The following DPP10 variants were observed in gnomAD, a reference collection of about 807,000 sequenced individuals.
The protein encoded by DPP10 is inactive dipeptidyl peptidase 10.
DPP10 carries 33 observed loss-of-function variants against 120.9 expected under a neutral mutation model. The observed-to-expected ratio is 0.27, with a 90% CI of 0.21 to 0.37. DPP10 has a LOEUF of 0.37. Among genes scored for constraint, DPP10 ranks in the 10% least tolerant of loss-of-function variants. The pLI, the probability that DPP10 is intolerant of heterozygous loss-of-function variation, is 1.00. For missense variants in DPP10, 816 were observed against 942.8 expected, an observed-to-expected ratio of 0.87 and a Z score of 1.76; for synonymous variants, 337 against 326.1, an observed-to-expected ratio of 1.03 and a Z score of -0.36.
At chr2:114,578,983 G>A (rs764272800) in intron 1 of DPP10, among the ~76,000 whole-genome samples, 10 of 151,988 alleles carry the variant, frequency 6.6e-5, no homozygotes, top group South Asian at 2.1e-4. Flanking sequence ...TTGACCTTTC[G>A]TCATACTCTC....
intron 1 of DPP10, among the ~76,000 whole-genome samples, chr2:114,834,640 A>G (rs36044223): frequency 0.014 from 1,547 of 111,356 alleles, 222 homozygotes; most frequent in African/African-American, 0.017. Context: ...TATAAGCCAT[A>G]TCTACACACC....
chr2:115,458,154 T>G (rs1426615043), intron 3 of DPP10, among the ~76,000 whole-genome samples: 1 of 152,164 alleles, frequency 6.6e-6, no homozygotes, highest in Non-Finnish European at 1.5e-5. Flanking sequence ...ACCTATACAA[T>G]GGCTAAATTT....
At chr2:115,644,837 G>A (rs2087102612) in intron 5 of DPP10, among the ~76,000 whole-genome samples, 1 of 152,076 alleles carries the variant, frequency 6.6e-6, no homozygotes, top group Non-Finnish European at 1.5e-5. Context: ...TGTGGGTGGA[G>A]TTAACAGTCA....
At chr2:114,956,493 AG>A (rs1240589045) in intron 1 of DPP10, among the ~76,000 whole-genome samples, 1 of 152,162 alleles carries the variant, frequency 6.6e-6, no homozygotes, top group Non-Finnish European at 1.5e-5. Flanking sequence ...GGATTGAAAA[AG>A]TTTATATATT....
intron 1 of DPP10, among the ~76,000 whole-genome samples, chr2:114,799,830 T>A (rs569771353): frequency 3.3e-5 from 5 of 152,322 alleles, no homozygotes; most frequent in Non-Finnish European, 7.3e-5. Flanking sequence ...GAGGAGTGAA[T>A]GAAGAGTCAG....
chr2:115,524,286 G>A (rs1228434885), intron 4 of DPP10, among the ~76,000 whole-genome samples: 1 of 152,092 alleles, frequency 6.6e-6, no homozygotes, highest in Non-Finnish European at 1.5e-5. Context: ...AAATGTGAGG[G>A]TTCTCATTAC....
chr2:115,644,599 C>G (rs1386764541), intron 5 of DPP10, among the ~76,000 whole-genome samples: 6 of 149,938 alleles, frequency 4.0e-5, no homozygotes, highest in Non-Finnish European at 5.9e-5. Context: ...AGAGACACTC[C>G]GTCTCTATAA....
chr2:115,607,699 C>T (rs868171243), intron 5 of DPP10, among the ~76,000 whole-genome samples: 3 of 152,080 alleles, frequency 2.0e-5, no homozygotes, highest in Non-Finnish European at 4.4e-5. Context: ...GTTTTATTCA[C>T]TAATCCTTGT....
chr2:115,511,606 T>C (rs1487341691), intron 4 of DPP10, among the ~76,000 whole-genome samples: 1 of 151,750 alleles, frequency 6.6e-6, no homozygotes, highest in East Asian at 1.9e-4. Flanking sequence ...TTCTGCTTGC[T>C]TGTGTTAGTT....
chr2:115,303,843 GA>G (rs1206813853), intron 1 of DPP10, among the ~76,000 whole-genome samples: 11 of 151,832 alleles, frequency 7.2e-5, no homozygotes, highest in Non-Finnish European at 1.6e-4. Context: ...AATTTAAATT[GA>G]ATTTCTATAT....
At chr2:114,937,114 C>T (rs114545049) in intron 1 of DPP10, among the ~76,000 whole-genome samples, 2,334 of 152,040 alleles carry the variant, frequency 0.015, 60 homozygotes, top group African/African-American at 0.053. Flanking sequence ...ATCTATTTAT[C>T]TTTGGTTTTG....
intron 5 of DPP10, among the ~76,000 whole-genome samples, chr2:115,550,674 T>C (rs2079820173): frequency 6.6e-6 from 1 of 152,158 alleles, no homozygotes; most frequent in African/African-American, 2.4e-5. Flanking sequence ...ATAACGCTTA[T>C]TTAAAGGAAT....
At chr2:114,875,154 T>C (rs1691050235) in intron 1 of DPP10, among the ~76,000 whole-genome samples, 1 of 152,182 alleles carries the variant, frequency 6.6e-6, no homozygotes, top group Non-Finnish European at 1.5e-5. Flanking sequence ...TCAGAAGAAG[T>C]AGCTATCAAA....
intron 3 of DPP10, among the ~76,000 whole-genome samples, chr2:115,387,954 G>A (rs938963769): frequency 5.9e-5 from 9 of 152,164 alleles, no homozygotes; most frequent in Non-Finnish European, 1.3e-4. Context: ...TGGGAGGTCA[G>A]GGACAACTTC....
chr2:115,365,308 A>G (rs561526157), intron 3 of DPP10, among the ~76,000 whole-genome samples: 1 of 152,098 alleles, frequency 6.6e-6, no homozygotes, highest in South Asian at 2.1e-4. Context: ...GAAAAATGCA[A>G]ACATGGAGAC....
intron 1 of DPP10, among the ~76,000 whole-genome samples, chr2:114,926,722 A>C (rs1490116252): frequency 6.6e-6 from 1 of 152,162 alleles, no homozygotes; most frequent in Non-Finnish European, 1.5e-5. Context: ...CCTGGAGGAG[A>C]TAGGCAAACC....
At chr2:114,478,348 A>G (rs919578002) in intron 1 of DPP10, among the ~76,000 whole-genome samples, 15 of 152,108 alleles carry the variant, frequency 9.9e-5, no homozygotes, top group African/African-American at 3.6e-4. Context: ...TAGAAAAATA[A>G]TTTAACAGAA....
chr2:115,161,368 G>C (rs1474493408), intron 1 of DPP10: 2 of 152,188 alleles, frequency 1.3e-5, no homozygotes, highest in Non-Finnish European at 2.9e-5. Context: ...CTTCGCACGG[G>C]CGCGCTCCGC....
intron 5 of DPP10, among the ~76,000 whole-genome samples, chr2:115,572,172 A>T (rs1380274321): frequency 1.3e-5 from 2 of 152,030 alleles, no homozygotes; most frequent in Non-Finnish European, 2.9e-5. Flanking sequence ...ATGCATTTTT[A>T]TAGGTATGCT....
Sources: allele counts gnomAD v4.1 joint callset (sites outside exome capture counted in the v4.1 genomes callset), GRCh38; gene constraint gnomAD v4.1.1; transcripts MANE v1.5; gene names NCBI Gene and HGNC (gene_info 2026-07-23, HGNC 2026-07-21).